Variants in TXNDC16 observed in about 807,000 individuals in gnomAD.
TXNDC16 encodes thioredoxin domain containing 16.
Under a neutral mutation model 85.6 loss-of-function variants are expected in TXNDC16, and 74 were observed. The observed-to-expected ratio is 0.86, with a 90% CI of 0.72 to 1.05. TXNDC16 has a LOEUF of 1.05. Ranked by LOEUF, TXNDC16 falls within the 50% of genes least tolerant of loss-of-function variation. TXNDC16 has a pLI of 0.00. For missense variants in TXNDC16, 959 were observed against 947.0 expected (o/e 1.01, Z -0.17); for synonymous variants, 335 against 326.5 (o/e 1.03, Z -0.28).
chr14:52,497,590 C>G (rs2036560722), intron 9 of TXNDC16, among the ~76,000 whole-genome samples: 1 of 152,162 alleles, frequency 6.6e-6, no homozygotes, highest in Non-Finnish European at 1.5e-5. Flanking sequence ...ACAAAAACTA[C>G]CAAACTGGGC....
intron 14 of TXNDC16, among the ~76,000 whole-genome samples, chr14:52,474,398 G>GC (rs1182556839): frequency 6.6e-6 from 1 of 152,182 alleles, no homozygotes; most frequent in African/African-American, 2.4e-5. Flanking sequence ...ATTGCAACTT[G>GC]CCTTGCATAA....
At chr14:52,547,539 T>C (rs2037964466) in intron 1 of TXNDC16, among the ~76,000 whole-genome samples, 1 of 152,226 alleles carries the variant, frequency 6.6e-6, no homozygotes, top group Admixed American at 6.5e-5. Flanking sequence ...TGTTGTTGTT[T>C]CAACTGGCCT....
chr14:52,531,672 T>C (rs1254143884), intron 6 of TXNDC16, among the ~76,000 whole-genome samples: 3 of 152,114 alleles, frequency 2.0e-5, no homozygotes, highest in East Asian at 3.8e-4. Context: ...GGATGAATAG[T>C]TAGGCACAGA....
rs746779501 is a variant in TXNDC16, at chr14:52,536,832, CA to C, written c.318-40del. On this transcript the variant is annotated intron_variant, in intron 5 of 20. Coordinates refer to ENST00000281741, the MANE Select transcript of TXNDC16 (RefSeq NM_020784.3). ...AAAAACATATTAATATTGAAAAATA[CA>C]AAAAATATTTCCTTAGAATTCAATT... 4.1e-6 allele frequency: 6 copies of C among 1,480,200 alleles called. No individual in the cohort carries two copies. The South Asian group carries it at 4.8e-5, about 12-fold the overall frequency. The allele number at this position is 1,480,200 out of a possible 1,614,324, so 91.7% of individuals were successfully genotyped here. A position where few individuals can be genotyped will look rare whatever the true frequency, so the allele number is the denominator to read the frequency against.
At chr14:52,461,890 C>T (rs888637574) in intron 16 of TXNDC16, among the ~76,000 whole-genome samples, 11 of 152,232 alleles carry the variant, frequency 7.2e-5, no homozygotes, top group African/African-American at 2.7e-4. Context: ...CTTTAGCCCA[C>T]AGACAAATCA....
intron 7 of TXNDC16, among the ~76,000 whole-genome samples, chr14:52,515,778 T>A (rs2037070479): frequency 6.6e-6 from 1 of 151,702 alleles, no homozygotes; most frequent in Non-Finnish European, 1.5e-5. Flanking sequence ...CTGTGGAAGA[T>A]GACAAATCAT....
intron 14 of TXNDC16, among the ~76,000 whole-genome samples, chr14:52,477,554 C>T (rs2036046414): frequency 6.6e-6 from 1 of 152,078 alleles, no homozygotes; most frequent in South Asian, 2.1e-4. Flanking sequence ...AACTTTAAAG[C>T]AACAGCAGTT....
Position 52,488,500 on chromosome 14 carries a change from A to G in TXNDC16, c.985-14T>C, listed in dbSNP as rs1361148002. On this transcript the variant is annotated splice_polypyrimidine_tract_variant and intron_variant, in intron 11 of 20. Transcript: ENST00000281741. ...CACTGGAACTCCCTAGAAATACATTAATTTTTAAAAAATGAATATAGCAAA... is the reference window on the plus strand; with the variant it reads ...CACTGGAACTCCCTAGAAATACATTGATTTTTAAAAAATGAATATAGCAAA... 6.4e-7 allele frequency: 1 copy of G among 1,570,676 alleles called. No homozygotes were observed. The highest frequency in any genetic ancestry group is 8.7e-7 in the Non-Finnish European group (1 of 1,150,032).
chr14:52,511,208 A>G, intron 9 of TXNDC16, 32 bp downstream of exon 9: 1 of 1,447,352 alleles, frequency 6.9e-7, no homozygotes, highest in Non-Finnish European at 9.2e-7. Context: ...AGGCAGTAGA[A>G]AGCAAATAAA....
Position 52,482,937 on chromosome 14 carries a change from A to G in TXNDC16, c.1137T>C (p.Thr379=), listed in dbSNP as rs1291887301. Residue 379 remains threonine (T), a synonymous_variant, in exon 13 of 21, where the codon ACT becomes ACC. Transcript: ENST00000281741. The part of the protein sequence containing the change: ...IDVQDDEVAE[T]VFRDRKRKLP... Reference sequence around the variant, plus strand: ...ATTTTCTCTTCCTATCTCTGAAAACAGTTTCTGCCACTTCATCATCCTGAA... The same window carrying G: ...ATTTTCTCTTCCTATCTCTGAAAACGGTTTCTGCCACTTCATCATCCTGAA... 1 of 1,609,514 alleles carries G rather than the reference A, an allele frequency of 6.2e-7. No individual in the cohort carries two copies. Among genetic ancestry groups the G allele is most frequent in the Admixed American group, 1.7e-5 (1 of 59,554 alleles).
At chr14:52,437,253 G>T (rs2035050874) in intron 20 of TXNDC16, among the ~76,000 whole-genome samples, 1 of 152,072 alleles carries the variant, frequency 6.6e-6, no homozygotes, top group Admixed American at 6.5e-5. Flanking sequence ...CAGAAAGGAA[G>T]TTAAATTGTT....
At chr14:52,432,953 T>C (rs11620864) in intron 20 of TXNDC16, among the ~76,000 whole-genome samples, 13,058 of 152,214 alleles carry the variant, frequency 0.086, 620 homozygotes, top group South Asian at 0.14. Flanking sequence ...AATGAAAAAG[T>C]CACCTGCTTC....
chr14:52,499,578 A>G (rs935443977), intron 9 of TXNDC16, among the ~76,000 whole-genome samples: 1 of 150,966 alleles, frequency 6.6e-6, no homozygotes, highest in African/African-American at 2.4e-5. Context: ...ACCATGAGGT[A>G]TCATCTCATA....
intron 6 of TXNDC16, among the ~76,000 whole-genome samples, chr14:52,529,841 TAATA>T (rs202087035): frequency 0.087 from 9,848 of 113,576 alleles, 527 homozygotes; most frequent in East Asian, 0.16. Flanking sequence ...TTACTATATA[TAATA>T]AATACCTATT....
chr14:52,510,943 T>C (rs1396516391), intron 9 of TXNDC16, among the ~76,000 whole-genome samples: 1 of 152,206 alleles, frequency 6.6e-6, no homozygotes, highest in African/African-American at 2.4e-5. Context: ...AGTTCATTAT[T>C]ACTACCACAG....
intron 7 of TXNDC16, among the ~76,000 whole-genome samples, chr14:52,515,180 G>T (rs1566572341): frequency 6.6e-6 from 1 of 152,140 alleles, no homozygotes; most frequent in Non-Finnish European, 1.5e-5. Flanking sequence ...AGAATTCAGA[G>T]GGAGTAGAAA....
chr14:52,503,225 A>C (rs1332962990), intron 9 of TXNDC16, among the ~76,000 whole-genome samples: 1 of 152,180 alleles, frequency 6.6e-6, no homozygotes, highest in Non-Finnish European at 1.5e-5. Context: ...GTTTGAAGAG[A>C]GCAGTGGTTC....
chr14:52,530,263 T>TAATATATATATTATTATATAATA (rs1456568726), intron 6 of TXNDC16, among the ~76,000 whole-genome samples: 1 of 65,406 alleles, frequency 1.5e-5, no homozygotes, highest in African/African-American at 6.6e-5. Context: ...TATTATATAA[T>TAATATATATATTATTATATAATA]ATATATTATT....
At chr14:52,534,209 C>T (rs764177931) in intron 6 of TXNDC16, among the ~76,000 whole-genome samples, 2 of 152,128 alleles carry the variant, frequency 1.3e-5, no homozygotes, top group Non-Finnish European at 2.9e-5. Flanking sequence ...TTCCTCTGAC[C>T]CCATGTCTAC....
Sources: allele counts gnomAD v4.1 joint callset (sites outside exome capture counted in the v4.1 genomes callset), GRCh38; gene constraint gnomAD v4.1.1; transcripts MANE v1.5; gene names NCBI Gene and HGNC (gene_info 2026-07-23, HGNC 2026-07-21).